Variants in SH3RF3 observed in about 807,000 individuals in gnomAD.
SH3RF3 encodes the protein E3 ubiquitin-protein ligase SH3RF3.
In SH3RF3, 29 loss-of-function variants were observed where a neutral mutation model predicts 66.3. The observed-to-expected ratio is 0.44, with a 90% CI of 0.33 to 0.60. The LOEUF (loss-of-function observed/expected upper bound fraction) is 0.60, where lower values mean the gene tolerates loss of function less well. SH3RF3 is among the 20% of genes least tolerant of loss of function. The pLI, the probability that SH3RF3 is intolerant of heterozygous loss-of-function variation, is 0.04. For synonymous variants in SH3RF3, 583 were observed against 532.0 expected (o/e 1.10, Z -1.32); for missense variants, 1,194 against 1,190.9 (o/e 1.00, Z -0.04).
chr2:109,388,975 G>C (rs1430759435), intron 3 of SH3RF3, among the ~76,000 whole-genome samples: 2 of 152,196 alleles, frequency 1.3e-5, no homozygotes, highest in Middle Eastern at 3.2e-3. Flanking sequence ...CGATAGTCTG[G>C]CTGATGTCCT....
intron 2 of SH3RF3, among the ~76,000 whole-genome samples, chr2:109,368,789 T>G (rs1192664798): frequency 6.6e-6 from 1 of 152,124 alleles, no homozygotes; most frequent in East Asian, 1.9e-4. Flanking sequence ...TTGTTTTTAA[T>G]TTTTATAAAA....
At chr2:109,332,544 G>A (rs1682312149) in intron 1 of SH3RF3, among the ~76,000 whole-genome samples, 4 of 152,112 alleles carry the variant, frequency 2.6e-5, no homozygotes, top group Admixed American at 6.5e-5. Context: ...CTCCTGTCCC[G>A]AGCTCCCCGC....
At chr2:109,325,925 C>T (rs1399737136) in intron 1 of SH3RF3, among the ~76,000 whole-genome samples, 3 of 152,186 alleles carry the variant, frequency 2.0e-5, no homozygotes, top group South Asian at 4.1e-4. Flanking sequence ...AATGAATAGT[C>T]TTTCTGCTTT....
intron 1 of SH3RF3, among the ~76,000 whole-genome samples, chr2:109,216,919 T>C (rs7355684): frequency 0.99 from 150,322 of 152,342 alleles, 74,178 homozygotes; most frequent in East Asian, 1. Context: ...CAAACCGAAA[T>C]TCTGTCCCCA....
chr2:109,190,292 A>G (rs11902831), intron 1 of SH3RF3, among the ~76,000 whole-genome samples: 122,727 of 151,884 alleles, frequency 0.81, 49,696 homozygotes, highest in South Asian at 0.86. Context: ...TTCTGCCTCA[A>G]CCTCCTGAGT....
chr2:109,146,894 C>G (rs1322323164), intron 1 of SH3RF3, among the ~76,000 whole-genome samples: 1 of 99,030 alleles, frequency 1.0e-5, no homozygotes, highest in African/African-American at 3.9e-5. Context: ...CTCCCCCCCC[C>G]CCCCCCCGCC....
At chr2:109,209,548 A>G (rs1002240114) in intron 1 of SH3RF3, among the ~76,000 whole-genome samples, 1 of 152,128 alleles carries the variant, frequency 6.6e-6, no homozygotes, top group African/African-American at 2.4e-5. Flanking sequence ...TTATCTGAGG[A>G]AAGTTCCTAG....
chr2:109,179,003 A>ATGTGTGTGTG (rs56236635), intron 1 of SH3RF3, among the ~76,000 whole-genome samples: 8,233 of 141,960 alleles, frequency 0.058, 304 homozygotes, highest in African/African-American at 0.089. Flanking sequence ...AAGTATAATA[A>ATGTGTGTGTG]TGTGTGTGTG....
Position 109,490,721 on chromosome 2 carries a change from G to C in SH3RF3, c.2265G>C (p.Leu755=). 6.5e-7 allele frequency: 1 copy of C among 1,535,264 alleles called. No individual in the cohort carries two copies. The highest frequency in any genetic ancestry group is 8.7e-7 in the Non-Finnish European group (1 of 1,145,498). The change falls in exon 9 of 10, where the codon CTG becomes CTC. Residue 755 remains leucine (L), a synonymous_variant. Transcript: ENST00000309415. ...THDPQVAVDA[L]LQGAVGPEVS... is the part of the protein sequence containing the mutation. ...ACCCCCAGGTGGCCGTGGACGCCCT[G>C]CTCCAAGGTGCAGTGGGCCCCGAAG... is the stretch of plus-strand genomic sequence containing the variant.
chr2:109,199,330 A>ATAAAATAAAT (rs1558953522), intron 1 of SH3RF3, among the ~76,000 whole-genome samples: 10 of 150,568 alleles, frequency 6.6e-5, no homozygotes, highest in East Asian at 3.9e-4. Flanking sequence ...TCAAAAAGTA[A>ATAAAATAAAT]AATGGAATGG....
chr2:109,230,877 C>CCTTTGGGGG (rs979074443), intron 1 of SH3RF3, among the ~76,000 whole-genome samples: 2 of 152,198 alleles, frequency 1.3e-5, no homozygotes, highest in Admixed American at 6.5e-5. Flanking sequence ...AATAGGACTC[C>CCTTTGGGGG]CTTTGGGGGC....
chr2:109,331,684 C>T (rs1425267291), intron 1 of SH3RF3, among the ~76,000 whole-genome samples: 1 of 151,270 alleles, frequency 6.6e-6, no homozygotes, highest in Non-Finnish European at 1.5e-5. Flanking sequence ...ATGTTTTTAT[C>T]TATTTTGTTT....
rs144923172 is a variant in SH3RF3, at chr2:109,301,200, T to C, written c.574-46474T>C. On this transcript the variant is annotated intron_variant, in intron 1 of 9. Coordinates refer to ENST00000309415, the MANE Select transcript of SH3RF3 (RefSeq NM_001099289.3). ...AAGAGGGGGATTGCCCTGGTTCCTC[T>C]GCGCAGGCTGATGTCAGGGGTTTGC... Among the ~76,000 whole-genome samples the C allele has an allele frequency of 1.1e-4, 16 of 152,314 alleles. No individual in the cohort carries two copies. In the East Asian group the frequency reaches 3.1e-3, roughly 29 times the overall value.
intron 8 of SH3RF3, among the ~76,000 whole-genome samples, chr2:109,482,382 TAATA>T (rs748747486): frequency 3.9e-5 from 6 of 152,226 alleles, no homozygotes; most frequent in Non-Finnish European, 7.3e-5. Flanking sequence ...ATCAGCCAAC[TAATA>T]AATACCAGGG....
chr2:109,192,264 A>C (rs1678386346), intron 1 of SH3RF3, among the ~76,000 whole-genome samples: 1 of 152,192 alleles, frequency 6.6e-6, no homozygotes, highest in Non-Finnish European at 1.5e-5. Flanking sequence ...ACTGCAGCTC[A>C]TGGGATGTTT....
intron 1 of SH3RF3, among the ~76,000 whole-genome samples, chr2:109,309,640 T>C (rs1303690919): frequency 8.0e-6 from 1 of 125,606 alleles, no homozygotes; most frequent in East Asian, 2.1e-4. Flanking sequence ...AGGCTGAAAA[T>C]AAAAGGATGG....
At chr2:109,434,484 C>T (rs1280191301) in intron 6 of SH3RF3, among the ~76,000 whole-genome samples, 1 of 152,240 alleles carries the variant, frequency 6.6e-6, no homozygotes, top group Non-Finnish European at 1.5e-5. Context: ...GGCCGGGCAA[C>T]TCCTGACGTG....
At chr2:109,479,078 G>C (rs915143516) in intron 8 of SH3RF3, among the ~76,000 whole-genome samples, 2 of 152,182 alleles carry the variant, frequency 1.3e-5, no homozygotes, top group African/African-American at 4.8e-5. Flanking sequence ...AACCTTGGCC[G>C]GGCTGCAGGT....
chr2:109,334,342 T>C (rs1682355971), intron 1 of SH3RF3, among the ~76,000 whole-genome samples: 1 of 33,390 alleles, frequency 3.0e-5, no homozygotes, highest in Non-Finnish European at 1.1e-4. Context: ...TGGGTGACAG[T>C]TTTTTTTTTT....
Sources: allele counts gnomAD v4.1 joint callset (sites outside exome capture counted in the v4.1 genomes callset), GRCh38; gene constraint gnomAD v4.1.1; transcripts MANE v1.5; gene names NCBI Gene and HGNC (gene_info 2026-07-23, HGNC 2026-07-21).